CFAP43: variants seen among roughly 807,000 people sequenced by gnomAD.
CFAP43 encodes the protein cilia- and flagella-associated protein 43.
A neutral mutation model predicts 218.9 loss-of-function variants in CFAP43; 155 were observed. The observed-to-expected ratio is 0.71, with a 90% CI of 0.62 to 0.81. The LOEUF is 0.81. Ranked by LOEUF, CFAP43 falls within the 30% of genes least tolerant of loss-of-function variation. CFAP43 has a pLI of 0.00. For synonymous variants in CFAP43, 645 were observed against 681.3 expected (o/e 0.95, Z 0.83); for missense variants, 1,778 against 1,954.3 (o/e 0.91, Z 1.70).
chr10:104,170,492 C>T (rs1331437016), intron 20 of CFAP43, among the ~76,000 whole-genome samples: 1 of 152,066 alleles, frequency 6.6e-6, no homozygotes, highest in East Asian at 1.9e-4. Flanking sequence ...ACTGAACCCA[C>T]ACACATTGCT....
intron 19 of CFAP43, among the ~76,000 whole-genome samples, chr10:104,177,803 C>G (rs910031829): frequency 5.3e-5 from 8 of 152,170 alleles, no homozygotes; most frequent in African/African-American, 1.4e-4. Flanking sequence ...ACTGGATTCT[C>G]TAAAGGAAAC....
At chr10:104,197,800 C>T (rs942248384) in intron 9 of CFAP43, 122 bp downstream of exon 9, 34 of 657,672 alleles carry the variant, frequency 5.2e-5, no homozygotes, top group Non-Finnish European at 8.8e-5. Flanking sequence ...GCCTCTGCCT[C>T]CTGTTCGCAT....
At chr10:104,200,178 T>C (rs1223213768) in intron 8 of CFAP43, among the ~76,000 whole-genome samples, 2 of 152,214 alleles carry the variant, frequency 1.3e-5, no homozygotes, top group African/African-American at 4.8e-5. Context: ...GAATGCACAC[T>C]TGCACATAGA....
At chr10:104,133,497 T>C (rs2087292729) in intron 35 of CFAP43, 123 bp downstream of exon 35, 1 of 1,080,576 alleles carries the variant, frequency 9.3e-7, no homozygotes, top group Non-Finnish European at 1.3e-6. Context: ...CAGATATATT[T>C]TGAAACACTC....
intron 27 of CFAP43, among the ~76,000 whole-genome samples, chr10:104,160,222 A>G (rs1301107624): frequency 2.0e-5 from 3 of 152,220 alleles, no homozygotes; most frequent in African/African-American, 7.2e-5. Context: ...TTAGGCATCT[A>G]TACTCCATAA....
At chr10:104,226,925 G>A (rs926314890) in intron 2 of CFAP43, among the ~76,000 whole-genome samples, 3 of 152,052 alleles carry the variant, frequency 2.0e-5, no homozygotes, top group African/African-American at 7.3e-5. Context: ...GGCTGAGGCA[G>A]GCGAATCGCT....
At chr10:104,181,697 T>C (rs1432824257) in intron 17 of CFAP43, among the ~76,000 whole-genome samples, 3 of 152,204 alleles carry the variant, frequency 2.0e-5, no homozygotes, top group Non-Finnish European at 2.9e-5. Context: ...CCCTTTGCCC[T>C]GAATACTCTT....
At position 104,130,273 on chromosome 10, in the gene CFAP43, C is replaced by A; in HGVS notation, c.4864G>T (p.Glu1622Ter). Residue 1622 changes from glutamate to a stop codon, truncating the protein, a stop_gained, in exon 38 of 38, where the codon GAA (glutamate) becomes TAA (stop). Coordinates refer to ENST00000357060, the MANE Select transcript of CFAP43 (RefSeq NM_025145.7). LOFTEE classifies it high-confidence loss of function. The stretch of plus-strand genomic sequence containing the variant: ...TGTTGCATCATGTTTTCATACCGTT[C>A]TTTGACAATCTTTTCACAAGTCAGT... ...SKLTCEKIVK[E>*]RYENMMQQQK... is the part of the protein sequence containing the mutation. 1 of 1,611,358 alleles carries A rather than the reference C, an allele frequency of 6.2e-7. No homozygotes were observed. Among genetic ancestry groups the A allele is most frequent in the Non-Finnish European group, 8.5e-7 (1 of 1,179,514 alleles).
chr10:104,215,709 C>T (rs773928569), intron 3 of CFAP43, among the ~76,000 whole-genome samples: 4 of 152,152 alleles, frequency 2.6e-5, no homozygotes, highest in Non-Finnish European at 5.9e-5. Context: ...TTAAAATATT[C>T]TCCCCTCTCC....
chr10:104,177,032 A>G (rs1025754597), intron 19 of CFAP43, among the ~76,000 whole-genome samples: 1 of 152,208 alleles, frequency 6.6e-6, no homozygotes. Context: ...GTTTAGAGTT[A>G]TGAAAAGGTG....
chr10:104,224,313 G>A (rs2091255871), intron 3 of CFAP43, among the ~76,000 whole-genome samples: 1 of 151,894 alleles, frequency 6.6e-6, no homozygotes, highest in African/African-American at 2.4e-5. Flanking sequence ...AAAATGCTGG[G>A]ATTACAGGTG....
intron 9 of CFAP43, among the ~76,000 whole-genome samples, chr10:104,197,291 TA>T (rs1589757941): frequency 6.6e-6 from 1 of 152,188 alleles, no homozygotes; most frequent in African/African-American, 2.4e-5. Flanking sequence ...TACTAGAACT[TA>T]TTTTTTTAGA....
intron 17 of CFAP43, among the ~76,000 whole-genome samples, chr10:104,180,738 C>A (rs1051846886): frequency 6.6e-6 from 1 of 152,070 alleles, no homozygotes; most frequent in African/African-American, 2.4e-5. Context: ...TGCCAACCAC[C>A]GTCCCCGCCG....
At chr10:104,200,950 G>A (rs1589765642) in intron 8 of CFAP43, among the ~76,000 whole-genome samples, 1 of 152,188 alleles carries the variant, frequency 6.6e-6, no homozygotes. Context: ...CTTTTTCTCA[G>A]AATGACAGGA....
At chr10:104,215,830 C>T (rs1307992678) in intron 3 of CFAP43, among the ~76,000 whole-genome samples, 1 of 152,138 alleles carries the variant, frequency 6.6e-6, no homozygotes, top group East Asian at 1.9e-4. Flanking sequence ...TATAACTACC[C>T]ATTTGGGTCT....
rs979888365 is a variant in CFAP43 at position 104,141,079 on chromosome 10, G to C, written c.4272-78C>G. On this transcript the variant is annotated intron_variant, in intron 33 of 37. Coordinates refer to ENST00000357060, the MANE Select transcript of CFAP43 (RefSeq NM_025145.7). ...CCTATTATCTGAGAATATAAAAATC[G>C]AATCAGCTTAAGGAAAACATGCTGG... 1.1e-5 allele frequency: 16 copies of C among 1,417,396 alleles called. No individual in the cohort carries two copies. In the African/African-American group the frequency reaches 1.6e-4, roughly 14 times the overall value. The allele number at this position is 1,417,396 out of a possible 1,614,324, so 87.8% of individuals were successfully genotyped here. A position where few individuals can be genotyped will look rare whatever the true frequency, so the allele number is the denominator to read the frequency against.
At chr10:104,153,411 C>T (rs2134781517) in intron 27 of CFAP43, among the ~76,000 whole-genome samples, 1 of 152,208 alleles carries the variant, frequency 6.6e-6, no homozygotes, top group East Asian at 1.9e-4. Flanking sequence ...AAGAGTGTAA[C>T]TGTATTGTTT....
In CFAP43 at chr10:104,185,047, C is replaced by T; in HGVS notation, c.2110G>A (p.Asp704Asn). ...TTTAGGTAGACAAGGGTGCCATCATCTCTCCCATTCACCAGAATGTTTTGT... is the reference window on the plus strand; with the variant it reads ...TTTAGGTAGACAAGGGTGCCATCATTTCTCCCATTCACCAGAATGTTTTGT... Reference protein sequence around the residue: ...DGQNILVNGRDDGTLVYLKWK... With the variant: ...DGQNILVNGRNDGTLVYLKWK... The change falls in exon 16 of 38, where the codon GAT (aspartate) becomes AAT (asparagine). Residue 704 changes from aspartate to asparagine, a missense_variant. Asp to Asn is a conservative substitution (Grantham distance 23). This residue lies in a region of CFAP43 where 1,553 missense variants were observed against 1,685.2 expected (regional missense o/e 0.92). Transcript: ENST00000357060. 1 of 1,614,144 alleles carries T rather than the reference C, an allele frequency of 6.2e-7. No homozygotes were observed. Among genetic ancestry groups the T allele is most frequent in the Non-Finnish European group, 8.5e-7 (1 of 1,180,010 alleles).
chr10:104,164,339 T>C, intron 23 of CFAP43, 39 bp from the exon 24 acceptor site: 5 of 1,371,366 alleles, frequency 3.6e-6, no homozygotes, highest in Non-Finnish European at 5.1e-6. Context: ...CATCACATAT[T>C]ATATCTTTAC....
Sources: gnomAD v4.1 joint callset for allele counts (sites outside exome capture counted in the v4.1 genomes callset) on GRCh38, gnomAD v4.1.1 for gene constraint, gnomAD v4.1.1 regional missense constraint, MANE v1.5 for transcripts, NCBI Gene and HGNC (gene_info 2026-07-23, HGNC 2026-07-21) for gene names.